The following KDM2A variants were observed in gnomAD, a reference collection of about 807,000 sequenced individuals.
KDM2A encodes the protein lysine-specific demethylase 2A.
Under a neutral mutation model 137.3 loss-of-function variants are expected in KDM2A, and 3 were observed. That is an observed-to-expected ratio of 0.02 (90% confidence interval 0.01 to 0.06). The LOEUF (loss-of-function observed/expected upper bound fraction) is 0.06, where lower values mean the gene tolerates loss of function less well. Ranked by LOEUF, KDM2A falls within the 10% of genes least tolerant of loss-of-function variation. KDM2A has a pLI of 1.00. For missense variants in KDM2A, 738 were observed against 1,510.6 expected (o/e 0.49, Z 8.48); for synonymous variants, 512 against 541.5 (o/e 0.95, Z 0.76).
rs1289155697 is a variant in KDM2A at position 67,246,011 on chromosome 11, T to C, written c.1860T>C (p.Cys620=). 1 of 1,614,018 alleles carries C rather than the reference T, an allele frequency of 6.2e-7. No homozygotes were observed. The highest frequency in any genetic ancestry group is 1.1e-5 in the South Asian group (1 of 91,082). Residue 620 remains cysteine, a synonymous_variant, in exon 15 of 21, where the codon TGT becomes TGC. Coordinates refer to ENST00000529006, the MANE Select transcript of KDM2A (RefSeq NM_012308.3). ...CCAGACTGCCTCACTCAGTCACATG[T>C]TCCCTCTGTGGAGAGGTGGATCAGA... ...LAPRLPHSVT[C]SLCGEVDQNE... is the part of the protein sequence containing the mutation.
chr11:67,169,833 C>T (rs1244020540), intron 2 of KDM2A, among the ~76,000 whole-genome samples: 1 of 140,970 alleles, frequency 7.1e-6, no homozygotes, highest in Non-Finnish European at 1.5e-5. Context: ...TCTCGGCTCA[C>T]TGCAACCTCT....
intron 12 of KDM2A, among the ~76,000 whole-genome samples, chr11:67,238,190 A>C (rs1858925676): frequency 6.6e-6 from 1 of 152,022 alleles, no homozygotes; most frequent in Admixed American, 6.6e-5. Flanking sequence ...AATTAGCAGG[A>C]GGGGGTAAAG....
intron 2 of KDM2A, among the ~76,000 whole-genome samples, chr11:67,127,940 AGGCAGGCGATC>A (rs1855766962): frequency 6.7e-6 from 1 of 149,742 alleles, no homozygotes; most frequent in South Asian, 2.1e-4. Context: ...TCCCGACCTC[AGGCAGGCGATC>A]TGCCTGCCTC....
At chr11:67,140,937 TA>T (rs918487197) in intron 2 of KDM2A, among the ~76,000 whole-genome samples, 1 of 152,140 alleles carries the variant, frequency 6.6e-6, no homozygotes, top group African/African-American at 2.4e-5. Context: ...AGAACTAGTT[TA>T]AAAAACGCTA....
chr11:67,178,809 T>C (rs1013115483), intron 2 of KDM2A, among the ~76,000 whole-genome samples: 11 of 152,322 alleles, frequency 7.2e-5, no homozygotes, highest in Non-Finnish European at 1.6e-4. Flanking sequence ...GACATTTGGG[T>C]GGTTTCTATC....
intron 3 of KDM2A, among the ~76,000 whole-genome samples, chr11:67,181,068 T>C (rs1399049445): frequency 6.6e-6 from 1 of 151,596 alleles, no homozygotes; most frequent in Non-Finnish European, 1.5e-5. Context: ...TTATTTAAGC[T>C]CTAAATTTCC....
chr11:67,128,194 G>A (rs1467702289), intron 2 of KDM2A, among the ~76,000 whole-genome samples: 1 of 151,596 alleles, frequency 6.6e-6, no homozygotes, highest in Non-Finnish European at 1.5e-5. Context: ...CTAGAGACAG[G>A]TTTTCACTGT....
At chr11:67,190,819 C>G (rs1040292625) in intron 5 of KDM2A, among the ~76,000 whole-genome samples, 10 of 151,782 alleles carry the variant, frequency 6.6e-5, no homozygotes, top group African/African-American at 2.4e-4. Flanking sequence ...ATGAAGTGTA[C>G]AAATTTCTAG....
At chr11:67,169,294 T>TA (rs1856821982) in intron 2 of KDM2A, among the ~76,000 whole-genome samples, 1 of 151,842 alleles carries the variant, frequency 6.6e-6, no homozygotes, top group Non-Finnish European at 1.5e-5. Flanking sequence ...AACAATGCCC[T>TA]AAATTTTTTT....
chr11:67,247,063 A>ATTTTATTT (rs1212913269), intron 15 of KDM2A, among the ~76,000 whole-genome samples: 1 of 25,010 alleles, frequency 4.0e-5, no homozygotes, highest in African/African-American at 1.8e-4. Context: ...ATATATATAT[A>ATTTTATTT]TATATATATT....
At chr11:67,153,221 G>A (rs1856435748) in intron 2 of KDM2A, among the ~76,000 whole-genome samples, 1 of 152,076 alleles carries the variant, frequency 6.6e-6, no homozygotes, top group African/African-American at 2.4e-5. Context: ...CTGACATTGG[G>A]TGATCGACCC....
Position 67,254,726 on chromosome 11 carries a change from G to T in KDM2A, c.3308-148G>T. On this transcript the variant is annotated intron_variant, in intron 20 of 20. Transcript: ENST00000529006. The surrounding 1 kb of genome is among the most constrained non-coding windows in gnomAD (Gnocchi z 4.7). ...GCAGCAGGGTCCCTTTGGAGGTGCT[G>T]ATGGCACTTCTGGTCTCTGAGCCAG... The T allele has an allele frequency of 2.7e-6, 2 of 729,400 alleles. No individual in the cohort carries two copies. Among genetic ancestry groups the T allele is most frequent in the South Asian group, 3.6e-5 (2 of 55,248 alleles). 45.2% of individuals were successfully genotyped at this position (729,400 alleles called of 1,614,324 possible). A position where few individuals can be genotyped will look rare whatever the true frequency, so the allele number is the denominator to read the frequency against.
chr11:67,194,392 G>T (rs1287594502), intron 5 of KDM2A, among the ~76,000 whole-genome samples: 1 of 152,150 alleles, frequency 6.6e-6, no homozygotes, highest in East Asian at 1.9e-4. Flanking sequence ...TCTTTCTGAG[G>T]CGTAGGTCCT....
At position 67,223,500 on chromosome 11, in the gene KDM2A, T is replaced by G. The variant is rs145026344; in HGVS notation, c.957+4097T>G. 5.9e-5 allele frequency among the ~76,000 whole-genome samples: 9 copies of G among 152,190 alleles called. No homozygotes were observed. The East Asian group carries it at 1.7e-3, about 29-fold the overall frequency. ...TCATTGCAGCCTCAACCTCGTAGGC[T>G]CAAGTGATCCTTCTGCCTCAGCCTC... On this transcript the variant is annotated intron_variant, in intron 10 of 20. Coordinates refer to ENST00000529006, the MANE Select transcript of KDM2A (RefSeq NM_012308.3).
chr11:67,248,637 G>C, intron 16 of KDM2A: 1 of 389,296 alleles, frequency 2.6e-6, no homozygotes, highest in East Asian at 5.4e-5. Context: ...GCCCTACAAA[G>C]AGAGGAACCA....
intron 1 of KDM2A, among the ~76,000 whole-genome samples, 191 bp from the exon 2 acceptor site, chr11:67,121,043 C>A (rs542058492): frequency 6.6e-6 from 1 of 152,088 alleles, no homozygotes; most frequent in African/African-American, 2.4e-5. Flanking sequence ...AGGCCTCCGA[C>A]AGTTGTAATG....
At chr11:67,218,991 T>C (rs547110367) in intron 9 of KDM2A, among the ~76,000 whole-genome samples, 1 of 152,366 alleles carries the variant, frequency 6.6e-6, no homozygotes, top group African/African-American at 2.4e-5. Flanking sequence ...CACCCCTGAA[T>C]TGTAAACTAT....
At position 67,255,810 on chromosome 11, in the gene KDM2A, C is replaced by T. The variant is rs1389232328; in HGVS notation, c.*755C>T. 4.2e-5 allele frequency: 12 copies of T among 287,480 alleles called. No homozygotes were observed. Among genetic ancestry groups the T allele is most frequent in the Non-Finnish European group, 7.0e-5 (10 of 142,788 alleles). 17.8% of individuals were successfully genotyped at this position (287,480 alleles called of 1,614,324 possible). A position where few individuals can be genotyped will look rare whatever the true frequency, so the allele number is the denominator to read the frequency against. Reference sequence around the variant, plus strand: ...GTCTACCCCAGGGACACACCCATTTCGTTGCTACCCAAGTGGATTCTGAGA... The same window carrying T: ...GTCTACCCCAGGGACACACCCATTTTGTTGCTACCCAAGTGGATTCTGAGA... On this transcript the variant is annotated 3_prime_UTR_variant, in exon 21 of 21. Transcript: ENST00000529006.
At chr11:67,169,759 C>CTTT (rs778350678) in intron 2 of KDM2A, among the ~76,000 whole-genome samples, 1 of 65,696 alleles carries the variant, frequency 1.5e-5, no homozygotes, top group African/African-American at 8.2e-5. Context: ...CTCTCTCTCT[C>CTTT]TTTTTTTTTT....
Sources: allele counts gnomAD v4.1 joint callset (sites outside exome capture counted in the v4.1 genomes callset), GRCh38; gene constraint gnomAD v4.1.1; non-coding constraint Gnocchi (gnomAD v3.1); transcripts MANE v1.5; gene names NCBI Gene and HGNC (gene_info 2026-07-23, HGNC 2026-07-21).